ARHGAP28: variants seen among roughly 807,000 people sequenced by gnomAD.
The protein encoded by ARHGAP28 is rho GTPase-activating protein 28.
A neutral mutation model predicts 90.7 loss-of-function variants in ARHGAP28; 56 were observed. The observed-to-expected ratio is 0.62, with a 90% CI of 0.50 to 0.77. ARHGAP28 has a LOEUF of 0.77. Ranked by LOEUF, ARHGAP28 falls within the 30% of genes least tolerant of loss-of-function variation. ARHGAP28 has a pLI of 0.00. For missense variants in ARHGAP28, 869 were observed against 900.9 expected (o/e 0.96, Z 0.45); for synonymous variants, 308 against 323.3 (o/e 0.95, Z 0.51).
chr18:6,787,081 G>A (rs1394622326), intron 1 of ARHGAP28, among the ~76,000 whole-genome samples: 3 of 151,902 alleles, frequency 2.0e-5, no homozygotes, highest in African/African-American at 4.8e-5. Context: ...TTAGCCGGGC[G>A]TGGTGGTGGA....
chr18:6,811,116 T>TTAC (rs55886506), intron 1 of ARHGAP28, among the ~76,000 whole-genome samples: 20,198 of 152,054 alleles, frequency 0.13, 1,452 homozygotes, highest in Non-Finnish European at 0.15. Context: ...GAGTCAAATA[T>TTAC]TACAGAGTTC....
chr18:6,740,912 G>A (rs1600142521), intron 1 of ARHGAP28, among the ~76,000 whole-genome samples: 3 of 152,156 alleles, frequency 2.0e-5, no homozygotes, highest in South Asian at 2.1e-4. Flanking sequence ...TTACCACAGC[G>A]TTCACTCAGG....
At chr18:6,892,296 C>G (rs967443672) in intron 14 of ARHGAP28, among the ~76,000 whole-genome samples, 1 of 152,026 alleles carries the variant, frequency 6.6e-6, no homozygotes. Context: ...TTACAGGTGC[C>G]TGCCATCATG....
At chr18:6,886,506 T>A (rs2057222437) in intron 11 of ARHGAP28, among the ~76,000 whole-genome samples, 1 of 152,178 alleles carries the variant, frequency 6.6e-6, no homozygotes, top group Admixed American at 6.5e-5. Flanking sequence ...CTTCCCTAAG[T>A]GTCCATGGAA....
At chr18:6,795,571 C>T (rs970392359) in intron 1 of ARHGAP28, among the ~76,000 whole-genome samples, 2 of 152,234 alleles carry the variant, frequency 1.3e-5, no homozygotes, top group Admixed American at 6.5e-5. Flanking sequence ...TAACTCTACA[C>T]TGGCAGCTGG....
At chr18:6,866,894 A>G (rs2057042072) in intron 5 of ARHGAP28, among the ~76,000 whole-genome samples, 1 of 152,220 alleles carries the variant, frequency 6.6e-6, no homozygotes, top group Non-Finnish European at 1.5e-5. Context: ...TCTCTCCCAT[A>G]GGTAAGTTAT....
In ARHGAP28 at chr18:6,837,355, A is replaced by G. The variant is rs2056761771; in HGVS notation, c.484A>G (p.Lys162Glu). 6.2e-7 allele frequency: 1 copy of G among 1,613,742 alleles called. No individual in the cohort carries two copies. Among genetic ancestry groups the G allele is most frequent in the Non-Finnish European group, 8.5e-7 (1 of 1,179,952 alleles). ...CCATACCTATACCCAAACCATGAGGAAAAAGGATAAGCAATCTATCAGGGA... is the reference window on the plus strand; with the variant it reads ...CCATACCTATACCCAAACCATGAGGGAAAAGGATAAGCAATCTATCAGGGA... ...RYHTYTQTMR[K>E]KDKQSIRDVR... The change falls in exon 3 of 18, where the codon AAA becomes GAA. Residue 162 changes from lysine to glutamate, a missense_variant. Transcript: ENST00000383472.
intron 1 of ARHGAP28, among the ~76,000 whole-genome samples, chr18:6,776,171 T>A (rs2056281917): frequency 6.6e-6 from 1 of 152,022 alleles, no homozygotes; most frequent in African/African-American, 2.4e-5. Flanking sequence ...GCCCCTGAGA[T>A]GAGCTAAAAG....
rs187598154 is a variant in ARHGAP28 at position 6,749,537 on chromosome 18, T to A, written c.122+19594T>A. On this transcript the variant is annotated intron_variant, in intron 1 of 17. Coordinates refer to ENST00000383472, the MANE Select transcript of ARHGAP28 (RefSeq NM_001366230.1). ...ACTCAAGTCTCCAATGTTCTAACAT[T>A]TCTATACCATTTTTTTAAATGGGAA... Among the ~76,000 whole-genome samples, 187 of 152,326 alleles carry A rather than the reference T, an allele frequency of 1.2e-3. 1 individual carries two copies. The highest frequency in any genetic ancestry group is 3.8e-3 in the African/African-American group (159 of 41,572).
chr18:6,841,203 C>CTCTCCTCTCTCT (rs754874496), intron 3 of ARHGAP28, among the ~76,000 whole-genome samples: 3 of 41,972 alleles, frequency 7.1e-5, no homozygotes, highest in African/African-American at 3.5e-4. Context: ...CTCTCTCTCT[C>CTCTCCTCTCTCT]CTCTCCTCTC....
chr18:6,914,463 A>G lies in ARHGAP28; in HGVS notation c.*2309A>G, dbSNP rs1181892149. 6.6e-6 allele frequency: 1 copy of G among 152,202 alleles called. No individual in the cohort carries two copies. Among genetic ancestry groups the G allele is most frequent in the African/African-American group, 2.4e-5 (1 of 41,462 alleles). 9.4% of individuals were successfully genotyped at this position (152,202 alleles called of 1,614,324 possible). ...GCAAATTCATTAGAGAAGAATTTTT[A>G]GTAGATACACAGACTAATATTTGTG... On this transcript the variant is annotated 3_prime_UTR_variant, in exon 18 of 18. Transcript: ENST00000383472.
chr18:6,857,958 T>C (rs2056967038), intron 4 of ARHGAP28, among the ~76,000 whole-genome samples: 1 of 152,162 alleles, frequency 6.6e-6, no homozygotes, highest in Admixed American at 6.5e-5. Context: ...GTAAAGGGGA[T>C]AGGTTGGTTA....
At chr18:6,745,575 A>G (rs914321668) in intron 1 of ARHGAP28, among the ~76,000 whole-genome samples, 7 of 152,210 alleles carry the variant, frequency 4.6e-5, no homozygotes, top group African/African-American at 1.4e-4. Context: ...CTACCATCCA[A>G]AACAAGATAT....
chr18:6,739,033 CCA>C (rs2055952728), intron 1 of ARHGAP28, among the ~76,000 whole-genome samples: 1 of 152,144 alleles, frequency 6.6e-6, no homozygotes, highest in Admixed American at 6.5e-5. Context: ...ATACATTACC[CCA>C]GTTATTCTTT....
At chr18:6,893,002 CT>C (rs1222561971) in intron 14 of ARHGAP28, among the ~76,000 whole-genome samples, 1 of 152,224 alleles carries the variant, frequency 6.6e-6, no homozygotes, top group Admixed American at 6.5e-5. Flanking sequence ...TATGTTAAGG[CT>C]TTTTACAGCC....
intron 1 of ARHGAP28, among the ~76,000 whole-genome samples, chr18:6,736,201 A>G (rs143675912): frequency 3.9e-5 from 6 of 152,160 alleles, no homozygotes; most frequent in Admixed American, 1.3e-4. Context: ...TTTACATACT[A>G]TGAAATAGAC....
intron 1 of ARHGAP28, among the ~76,000 whole-genome samples, chr18:6,747,824 A>G (rs2056036068): frequency 6.6e-6 from 1 of 152,146 alleles, no homozygotes; most frequent in Admixed American, 6.6e-5. Context: ...GTAGAGACAT[A>G]CATAGCTCTT....
In ARHGAP28 at chr18:6,795,787, G is replaced by A. The variant is rs75241061; in HGVS notation, c.123-28975G>A. Among the ~76,000 whole-genome samples, 1,253 of 152,296 alleles carry A rather than the reference G, an allele frequency of 8.2e-3. 9 individuals are homozygous for A. Among genetic ancestry groups the A allele is most frequent in the Admixed American group, 0.014 (217 of 15,296 alleles). On this transcript the variant is annotated intron_variant, in intron 1 of 17. Coordinates refer to ENST00000383472, the MANE Select transcript of ARHGAP28 (RefSeq NM_001366230.1). ...AGCTGGGTGTAGCCCCTATGTGAAT[G>A]GTCAAGTTCCCATTTGCAGAAAGAG... is the stretch of plus-strand genomic sequence containing the variant.
At chr18:6,777,696 G>A (rs1322154027) in intron 1 of ARHGAP28, among the ~76,000 whole-genome samples, 1 of 152,160 alleles carries the variant, frequency 6.6e-6, no homozygotes, top group Non-Finnish European at 1.5e-5. Flanking sequence ...CTGCATTCCA[G>A]CCTGGGCAAC....
Sources: allele counts gnomAD v4.1 joint callset (sites outside exome capture counted in the v4.1 genomes callset), GRCh38; gene constraint gnomAD v4.1.1; transcripts MANE v1.5; gene names NCBI Gene and HGNC (gene_info 2026-07-23, HGNC 2026-07-21).